Variants in LGSN observed in about 807,000 individuals in gnomAD.
LGSN encodes lengsin, lens protein with glutamine synthetase domain, also known as lengsin.
Under a neutral mutation model 19.5 loss-of-function variants are expected in LGSN, and 21 were observed. The ratio of observed to expected loss-of-function variants is 1.07; its 90% CI spans 0.76 to 1.55. LGSN has a LOEUF of 1.55. Among genes scored for constraint, LGSN ranks in the 40% most tolerant of loss-of-function variants. The pLI, the probability that LGSN is intolerant of heterozygous loss-of-function variation, is 0.00. For missense variants in LGSN, 673 were observed against 608.5 expected (o/e 1.11, Z -1.12); for synonymous variants, 257 against 215.6 (o/e 1.19, Z -1.68).
chr6:63,516,490 C>G, the LGSN span, among the ~76,000 whole-genome samples: 1 of 152,302 alleles, frequency 6.6e-6, no homozygotes, highest in African/African-American at 2.4e-5. Context: ...AATGATCTAG[C>G]TTTGAATCTT....
At chr6:63,523,309 G>C in the LGSN span, among the ~76,000 whole-genome samples, 11 of 152,048 alleles carry the variant, frequency 7.2e-5, no homozygotes, top group African/African-American at 2.7e-4. Flanking sequence ...AAGGCGGGCA[G>C]ATCACTTGAG....
chr6:63,347,217 C>T, the LGSN span, among the ~76,000 whole-genome samples: 11 of 152,142 alleles, frequency 7.2e-5, no homozygotes, highest in Non-Finnish European at 8.8e-5. Context: ...GAGGGAAAAA[C>T]AATTCATGGG....
At chr6:63,303,490 T>C (rs554204341) in intron 1 of LGSN, among the ~76,000 whole-genome samples, 12 of 152,216 alleles carry the variant, frequency 7.9e-5, no homozygotes, top group Non-Finnish European at 1.3e-4. Context: ...CTGAATTGTC[T>C]TGGTCAAAGG....
the LGSN span, among the ~76,000 whole-genome samples, chr6:63,367,421 C>A: frequency 0.13 from 19,362 of 151,488 alleles, 2,742 homozygotes; most frequent in African/African-American, 0.35. Flanking sequence ...GAATGGCAAT[C>A]ATTAAAAAGT....
chr6:63,507,165 TC>T, the LGSN span, among the ~76,000 whole-genome samples: 1 of 152,170 alleles, frequency 6.6e-6, no homozygotes, highest in African/African-American at 2.4e-5. Flanking sequence ...TTCACAACTG[TC>T]CCTCCGTCCT....
upstream of LGSN, among the ~76,000 whole-genome samples, chr6:63,324,308 C>T (rs1769178003): frequency 6.6e-6 from 1 of 151,454 alleles, no homozygotes; most frequent in Non-Finnish European, 1.5e-5. Flanking sequence ...CTATAGGAAA[C>T]ACTGTTTTTT....
chr6:63,389,832 TA>T, the LGSN span, among the ~76,000 whole-genome samples: 1 of 152,162 alleles, frequency 6.6e-6, no homozygotes, highest in African/African-American at 2.4e-5. Context: ...CATTTTAAAT[TA>T]TTTTTTACAC....
At chr6:63,290,035 G>A (rs544129316) in intron 2 of LGSN, among the ~76,000 whole-genome samples, 90 of 151,944 alleles carry the variant, frequency 5.9e-4, no homozygotes, top group African/African-American at 2.0e-3. Context: ...ATAAAAAGTG[G>A]GAGGGAAAGG....
the LGSN span, among the ~76,000 whole-genome samples, chr6:63,380,133 C>T: frequency 2.0e-4 from 31 of 152,186 alleles, no homozygotes; most frequent in African/African-American, 7.0e-4. Context: ...CCACCACGCC[C>T]GGCCTCATAA....
At chr6:63,442,912 C>T in the LGSN span, among the ~76,000 whole-genome samples, 3 of 152,366 alleles carry the variant, frequency 2.0e-5, no homozygotes, top group East Asian at 1.9e-4. Flanking sequence ...GTGGATCCCA[C>T]GCCAGGACCA....
At chr6:63,412,878 A>AAGAG in the LGSN span, among the ~76,000 whole-genome samples, 1 of 149,812 alleles carries the variant, frequency 6.7e-6, no homozygotes, top group African/African-American at 2.5e-5. Flanking sequence ...GAGAAAGAGA[A>AAGAG]AGAAAGAGGG....
the LGSN span, among the ~76,000 whole-genome samples, chr6:63,442,961 C>G: frequency 1.3e-5 from 2 of 152,234 alleles, no homozygotes; most frequent in African/African-American, 4.8e-5. Context: ...CCACACTCCT[C>G]AACCCTTGGC....
At chr6:63,498,011 C>T in the LGSN span, among the ~76,000 whole-genome samples, 1 of 149,022 alleles carries the variant, frequency 6.7e-6, no homozygotes, top group Non-Finnish European at 1.5e-5. Context: ...CTCTGCCTCC[C>T]GGGTTCAAGC....
the LGSN span, among the ~76,000 whole-genome samples, chr6:63,561,631 T>C: frequency 4.6e-5 from 7 of 152,218 alleles, no homozygotes; most frequent in African/African-American, 7.2e-5. Context: ...ACTTAGGTTA[T>C]ACCCAAGTCA....
At chr6:63,456,165 G>A in the LGSN span, among the ~76,000 whole-genome samples, 5 of 151,586 alleles carry the variant, frequency 3.3e-5, no homozygotes, top group Admixed American at 2.6e-4. Context: ...GGGAGGTAAA[G>A]GTTGCAGTGA....
chr6:63,428,961 G>C, the LGSN span, among the ~76,000 whole-genome samples: 2 of 152,088 alleles, frequency 1.3e-5, no homozygotes, highest in Non-Finnish European at 2.9e-5. Flanking sequence ...AGGTATTCCT[G>C]AGCTACCCAG....
chr6:63,557,802 T>G, the LGSN span, among the ~76,000 whole-genome samples: 2 of 152,184 alleles, frequency 1.3e-5, no homozygotes, highest in Admixed American at 1.3e-4. Context: ...AGTTTGGACT[T>G]TATCTAAAAG....
the LGSN span, among the ~76,000 whole-genome samples, chr6:63,414,503 T>C: frequency 6.6e-6 from 1 of 152,242 alleles, no homozygotes; most frequent in Non-Finnish European, 1.5e-5. Context: ...GAGGTGTTGA[T>C]TATGTCTATT....
At chr6:63,484,551 A>G in the LGSN span, among the ~76,000 whole-genome samples, 24 of 152,102 alleles carry the variant, frequency 1.6e-4, no homozygotes, top group Admixed American at 1.6e-3. Flanking sequence ...ATCCCAGAAG[A>G]CTACCCAGAT....
Sources: allele counts gnomAD v4.1 joint callset (sites outside exome capture counted in the v4.1 genomes callset), GRCh38; gene constraint gnomAD v4.1.1; transcripts MANE v1.5; gene names NCBI Gene and HGNC (gene_info 2026-07-23, HGNC 2026-07-21).